Variants in NR2F1-AS1 observed in about 807,000 individuals in gnomAD.
The protein encoded by NR2F1-AS1 is NR2F1 antisense RNA 1.
At chr5:93,483,045 C>T (rs986171208) in intron 4 of NR2F1-AS1, among the ~76,000 whole-genome samples, 2 of 152,202 alleles carry the variant, frequency 1.3e-5, no homozygotes, top group Admixed American at 6.5e-5. Flanking sequence ...AACGTTCCTG[C>T]CTGCTGGCTC....
chr5:93,549,558 A>T (rs973738248), intron 4 of NR2F1-AS1, among the ~76,000 whole-genome samples: 1 of 151,992 alleles, frequency 6.6e-6, no homozygotes, highest in Non-Finnish European at 1.5e-5. Flanking sequence ...CTCATATACA[A>T]TTTTTTTAAT....
At chr5:93,519,117 C>A (rs950722995) in intron 4 of NR2F1-AS1, among the ~76,000 whole-genome samples, 23 of 152,002 alleles carry the variant, frequency 1.5e-4, no homozygotes, top group African/African-American at 5.3e-4. Context: ...TTCTCTCATA[C>A]CAGTTATCTT....
intron 4 of NR2F1-AS1, among the ~76,000 whole-genome samples, chr5:93,509,406 T>C (rs1751250423): frequency 6.6e-6 from 1 of 152,106 alleles, no homozygotes; most frequent in Non-Finnish European, 1.5e-5. Flanking sequence ...CCAAAGAAAC[T>C]GAATGTGTTT....
At chr5:93,512,959 A>G (rs1272265424) in intron 4 of NR2F1-AS1, among the ~76,000 whole-genome samples, 2 of 152,178 alleles carry the variant, frequency 1.3e-5, no homozygotes, top group South Asian at 2.1e-4. Context: ...TGAGCAACAC[A>G]TGACTGTATA....
At chr5:93,477,481 A>G (rs1252106885) in intron 4 of NR2F1-AS1, among the ~76,000 whole-genome samples, 1 of 152,080 alleles carries the variant, frequency 6.6e-6, no homozygotes, top group East Asian at 1.9e-4. Flanking sequence ...TTCCATCACA[A>G]CCCCCTTTCT....
chr5:93,465,347 A>T lies in NR2F1-AS1; in HGVS notation n.639-69805T>A, dbSNP rs138134955. Among the ~76,000 whole-genome samples, 817 of 152,376 alleles carry T rather than the reference A, an allele frequency of 5.4e-3. 6 individuals carry two copies. The highest frequency in any genetic ancestry group is 0.019 in the African/African-American group (773 of 41,586). ...AAAATGCTCATGATCACTGGTCATC[A>T]AAGAAATGCAAATCAAAACCACAAT... On this transcript the variant is annotated intron_variant and non_coding_transcript_variant, in intron 4 of 5. Coordinates refer to ENST00000660523, the Ensembl canonical transcript of NR2F1-AS1.
intron 4 of NR2F1-AS1, among the ~76,000 whole-genome samples, chr5:93,447,484 G>T (rs1460395559): frequency 6.6e-6 from 1 of 152,184 alleles, no homozygotes; most frequent in African/African-American, 2.4e-5. Flanking sequence ...TCAGAGAAAT[G>T]CAAATCAAAA....
chr5:93,413,122 TAA>T (rs1748894617), intron 4 of NR2F1-AS1, among the ~76,000 whole-genome samples: 1 of 150,852 alleles, frequency 6.6e-6, no homozygotes, highest in Non-Finnish European at 1.5e-5. Context: ...AATTAGAATC[TAA>T]GTGTCTTCTT....
At chr5:93,533,303 T>C (rs376414289) in intron 4 of NR2F1-AS1, among the ~76,000 whole-genome samples, 1 of 152,198 alleles carries the variant, frequency 6.6e-6, no homozygotes, top group East Asian at 1.9e-4. Flanking sequence ...AAAGGGTCAT[T>C]TATTATTCAA....
chr5:93,523,826 A>G (rs1164194272), intron 4 of NR2F1-AS1, among the ~76,000 whole-genome samples: 2 of 152,068 alleles, frequency 1.3e-5, no homozygotes, highest in African/African-American at 4.8e-5. Context: ...AAAACGGACA[A>G]CCACACAAAA....
rs190761553 is a variant in NR2F1-AS1, at chr5:93,529,085, T to C, written n.638+24676A>G. 6.4e-3 allele frequency among the ~76,000 whole-genome samples: 982 copies of C among 152,270 alleles called. 7 individuals are homozygous for C. The highest frequency in any genetic ancestry group is 8.1e-3 in the Non-Finnish European group (553 of 68,016). ...ATGTGAGTAATGAAGAAGAAAAATATACATTCATATATAGAATGTGTAGAC... is the reference window on the plus strand; with the variant it reads ...ATGTGAGTAATGAAGAAGAAAAATACACATTCATATATAGAATGTGTAGAC... On this transcript the variant is annotated intron_variant and non_coding_transcript_variant, in intron 4 of 5. Coordinates refer to ENST00000660523, the Ensembl canonical transcript of NR2F1-AS1.
upstream of NR2F1-AS1, chr5:93,585,537 CTCTT>C (rs781336309): frequency 7.7e-5 from 113 of 1,460,682 alleles, no homozygotes; most frequent in Non-Finnish European, 9.5e-5. Context: ...GCCTCCCTGG[CTCTT>C]TCTTTCTTTC....
intron 4 of NR2F1-AS1, among the ~76,000 whole-genome samples, chr5:93,442,226 C>G (rs1221428326): frequency 1.3e-5 from 2 of 152,154 alleles, no homozygotes; most frequent in Non-Finnish European, 2.9e-5. Context: ...AGAGTGTGAG[C>G]TGAAGCAGGG....
chr5:93,555,509 C>T (rs914919864), intron 2 of NR2F1-AS1, among the ~76,000 whole-genome samples: 1 of 152,110 alleles, frequency 6.6e-6, no homozygotes, highest in Non-Finnish European at 1.5e-5. Flanking sequence ...ACGGAGATGA[C>T]TTATATGCTA....
chr5:93,532,212 ACT>A (rs1173284966), intron 4 of NR2F1-AS1, among the ~76,000 whole-genome samples: 1 of 152,172 alleles, frequency 6.6e-6, no homozygotes, highest in African/African-American at 2.4e-5. Flanking sequence ...TAACATACTT[ACT>A]GTTTTATAAA....
At chr5:93,510,083 A>C (rs1276161394) in intron 4 of NR2F1-AS1, among the ~76,000 whole-genome samples, 1 of 152,142 alleles carries the variant, frequency 6.6e-6, no homozygotes, top group Non-Finnish European at 1.5e-5. Context: ...AATAGAATGG[A>C]GACAAACGTG....
At chr5:93,478,411 T>TTTTG (rs1389745173) in intron 4 of NR2F1-AS1, among the ~76,000 whole-genome samples, 1 of 152,144 alleles carries the variant, frequency 6.6e-6, no homozygotes, top group African/African-American at 2.4e-5. Context: ...TTTGTTTGTT[T>TTTTG]TTTGTTTGTT....
At chr5:93,516,720 C>A (rs1751407982) in intron 4 of NR2F1-AS1, among the ~76,000 whole-genome samples, 1 of 151,828 alleles carries the variant, frequency 6.6e-6, no homozygotes, top group Non-Finnish European at 1.5e-5. Context: ...TTCATTGTAC[C>A]ACAAACAGTA....
intron 1 of NR2F1-AS1, among the ~76,000 whole-genome samples, chr5:93,569,073 C>T (rs897899372): frequency 1.3e-5 from 2 of 152,098 alleles, no homozygotes; most frequent in African/African-American, 2.4e-5. Flanking sequence ...CTCCCAGTAT[C>T]CACTCTAGTC....
Sources: gnomAD v4.1 joint callset for allele counts (sites outside exome capture counted in the v4.1 genomes callset) on GRCh38, gnomAD v4.1.1 for gene constraint, MANE v1.5 for transcripts, NCBI Gene and HGNC (gene_info 2026-07-23, HGNC 2026-07-21) for gene names.